Variants in EFR3B observed in about 807,000 individuals in gnomAD.
The protein encoded by EFR3B is EFR3 homolog B.
In EFR3B, 64 loss-of-function variants were observed where a neutral mutation model predicts 104.7. The ratio of observed to expected loss-of-function variants is 0.61; its 90% CI spans 0.50 to 0.75. The LOEUF is 0.75. Among genes scored for constraint, EFR3B ranks in the 30% least tolerant of loss-of-function variants. EFR3B has a pLI of 0.00. For synonymous variants in EFR3B, 385 were observed against 417.9 expected, an observed-to-expected ratio of 0.92 and a Z score of 0.96; for missense variants, 750 against 1,078.5, an observed-to-expected ratio of 0.70 and a Z score of 4.27.
intron 21 of EFR3B, among the ~76,000 whole-genome samples, chr2:25,152,604 C>T (rs1324219244): frequency 6.6e-6 from 1 of 152,078 alleles, no homozygotes; most frequent in African/African-American, 2.4e-5. Context: ...AGAGAGGCAG[C>T]TGGACATGTA....
intron 1 of EFR3B, among the ~76,000 whole-genome samples, chr2:25,045,903 C>T (rs1667703224): frequency 6.6e-6 from 1 of 152,156 alleles, no homozygotes; most frequent in African/African-American, 2.4e-5. Flanking sequence ...TGAATTAGGG[C>T]AGCCAGCTAG....
At chr2:25,142,871 G>A (rs992248265) in intron 17 of EFR3B, among the ~76,000 whole-genome samples, 4 of 150,208 alleles carry the variant, frequency 2.7e-5, no homozygotes, top group Non-Finnish European at 5.9e-5. Flanking sequence ...GGTCAAGGCT[G>A]TAGTGTGCTA....
At chr2:25,125,724 G>A (rs1235488424) in intron 5 of EFR3B, among the ~76,000 whole-genome samples, 6 of 152,162 alleles carry the variant, frequency 3.9e-5, no homozygotes, top group Admixed American at 2.6e-4. Context: ...CAAGGCGGGA[G>A]GATCACAAGG....
At chr2:25,043,286 C>T (rs181333178) in intron 1 of EFR3B, among the ~76,000 whole-genome samples, 2 of 152,296 alleles carry the variant, frequency 1.3e-5, no homozygotes, top group Admixed American at 1.3e-4. Flanking sequence ...CCTCCCACCC[C>T]CACTGCAAGG....
chr2:25,094,199 G>A (rs1669211763), intron 3 of EFR3B, among the ~76,000 whole-genome samples: 1 of 147,722 alleles, frequency 6.8e-6, no homozygotes, highest in Non-Finnish European at 1.5e-5. Flanking sequence ...GTGGGAGGAT[G>A]GCTTGAGCCC....
chr2:25,069,879 A>C (rs1486243359), intron 1 of EFR3B, among the ~76,000 whole-genome samples: 3 of 152,008 alleles, frequency 2.0e-5, no homozygotes, highest in Non-Finnish European at 4.4e-5. Flanking sequence ...TTGTATTTTC[A>C]GTAGAGACGG....
Position 25,135,640 on chromosome 2 carries a change from G to A in EFR3B, c.1484+1G>A. The A allele has an allele frequency of 1.3e-6, 2 of 1,552,070 alleles. No individual in the cohort carries two copies. The highest frequency in any genetic ancestry group is 1.7e-6 in the Non-Finnish European group (2 of 1,147,088). On this transcript the variant is annotated splice_donor_variant, in intron 13 of 22. Transcript: ENST00000403714. LOFTEE classifies it high-confidence loss of function. ...ACCGCCACAAGTTCTCTACCATCAG[G>A]TGAACTTGGGGTGTCTCCTCCAGGC...
intron 5 of EFR3B, among the ~76,000 whole-genome samples, chr2:25,124,914 C>T (rs1030610058): frequency 1.3e-5 from 2 of 151,942 alleles, no homozygotes; most frequent in African/African-American, 4.8e-5. Flanking sequence ...AAAAATTAGC[C>T]AGGCATGGTA....
Position 25,121,719 on chromosome 2 carries a change from G to A in EFR3B, c.410G>A (p.Arg137Gln), listed in dbSNP as rs373101048. The A allele has an allele frequency of 7.1e-6, 11 of 1,551,576 alleles. No homozygotes were observed. Among genetic ancestry groups the A allele is most frequent in the Non-Finnish European group, 9.6e-6 (11 of 1,147,006 alleles). The stretch of plus-strand genomic sequence containing the variant: ...GAGGAGGACACCCCGTCCTATCACC[G>A]GAGCTATGACTTCTTTGTGTCCCGA... ...NIEEDTPSYHRSYDFFVSRFS... is the reference protein window; with the variant it reads ...NIEEDTPSYHQSYDFFVSRFS... The change falls in exon 5 of 23, where the codon CGG (arginine) becomes CAG (glutamine). Residue 137 changes from arginine (R) to glutamine (Q), a missense_variant. Arg to Gln is a conservative substitution (Grantham distance 43, BLOSUM62 1). Transcript: ENST00000403714.
At chr2:25,107,008 C>A (rs1308850581) in intron 4 of EFR3B, among the ~76,000 whole-genome samples, 1 of 152,184 alleles carries the variant, frequency 6.6e-6, no homozygotes, top group Non-Finnish European at 1.5e-5. Context: ...CTCATTGTAA[C>A]CCCTCATTTT....
intron 1 of EFR3B, among the ~76,000 whole-genome samples, chr2:25,090,752 T>C (rs1669089099): frequency 6.6e-6 from 1 of 152,086 alleles, no homozygotes; most frequent in Admixed American, 6.5e-5. Flanking sequence ...CTTTCTATAA[T>C]GGAAATGGCT....
intron 1 of EFR3B, among the ~76,000 whole-genome samples, chr2:25,049,089 A>G (rs1254913753): frequency 2.6e-5 from 4 of 152,192 alleles, no homozygotes; most frequent in South Asian, 2.1e-4. Flanking sequence ...ATATTGTTCA[A>G]TTGCTTTCAG....
rs1668531700 is a variant in EFR3B at position 25,072,720 on chromosome 2, C to T, written c.8-18605C>T. 1.3e-5 allele frequency among the ~76,000 whole-genome samples: 2 copies of T among 152,174 alleles called. 1 individual carries two copies. Among genetic ancestry groups the T allele is most frequent in the Non-Finnish European group, 2.9e-5 (2 of 68,034 alleles). ...AACCATTCTTATCCTCCAGTACCTCCTCTTCAGAAAGCCCTCAAACAGCTG... is the reference window on the plus strand; with the variant it reads ...AACCATTCTTATCCTCCAGTACCTCTTCTTCAGAAAGCCCTCAAACAGCTG... On this transcript the variant is annotated intron_variant, in intron 1 of 22. Coordinates refer to ENST00000403714, the MANE Select transcript of EFR3B (RefSeq NM_014971.2).
At position 25,042,740 on chromosome 2, in the gene EFR3B, G is replaced by T. The variant is rs890784865; in HGVS notation, c.7+421G>T. On this transcript the variant is annotated intron_variant, in intron 1 of 22. Transcript: ENST00000403714. The surrounding 1 kb of genome is among the most constrained non-coding windows in gnomAD (Gnocchi z 5.4). ...GACGCCCGCGGCCGGTCGTCTGCGC[G>T]GCTCGGAGAAGGCGGGAGGCGGCGC... is the stretch of plus-strand genomic sequence containing the variant. The T allele has an allele frequency of 1.0e-6, 1 of 982,146 alleles. No homozygotes were observed. Among genetic ancestry groups the T allele is most frequent in the Non-Finnish European group, 1.2e-6 (1 of 825,434 alleles). The allele number at this position is 982,146 out of a possible 1,614,324, so 60.8% of individuals were successfully genotyped here.
chr2:25,138,410 C>T (rs1201520182), intron 15 of EFR3B, among the ~76,000 whole-genome samples: 1 of 152,140 alleles, frequency 6.6e-6, no homozygotes, highest in African/African-American at 2.4e-5. Context: ...CCCAAGGCTA[C>T]TGGGAGTCAG....
intron 1 of EFR3B, among the ~76,000 whole-genome samples, chr2:25,046,862 A>C (rs964580346): frequency 4.6e-5 from 7 of 152,128 alleles, no homozygotes; most frequent in Admixed American, 6.5e-5. Context: ...CCTCAGGGCG[A>C]TCCCACAGCA....
At chr2:25,097,775 G>A (rs370085264) in intron 3 of EFR3B, among the ~76,000 whole-genome samples, 5 of 152,216 alleles carry the variant, frequency 3.3e-5, no homozygotes, top group Admixed American at 6.5e-5. Flanking sequence ...ACTCCAATGC[G>A]AGTAAATCCC....
chr2:25,127,234 A>G (rs1213261304), intron 5 of EFR3B, among the ~76,000 whole-genome samples: 3 of 151,690 alleles, frequency 2.0e-5, no homozygotes, highest in African/African-American at 4.8e-5. Context: ...ATTTGGAAAC[A>G]ACTTAAATGA....
chr2:25,068,263 G>C (rs143319978), intron 1 of EFR3B, among the ~76,000 whole-genome samples: 1 of 152,122 alleles, frequency 6.6e-6, no homozygotes, highest in South Asian at 2.1e-4. Context: ...GCCGACAGTC[G>C]TGTCCTACTC....
Sources: gnomAD v4.1 joint callset for allele counts (sites outside exome capture counted in the v4.1 genomes callset) on GRCh38, gnomAD v4.1.1 for gene constraint, Gnocchi (gnomAD v3.1) non-coding constraint, MANE v1.5 for transcripts, NCBI Gene and HGNC (gene_info 2026-07-23, HGNC 2026-07-21) for gene names.